DLGAP1: variants seen among roughly 807,000 people sequenced by gnomAD.
The protein encoded by DLGAP1 is DLG associated protein 1.
DLGAP1 carries 11 observed loss-of-function variants against 90.8 expected under a neutral mutation model. That is an observed-to-expected ratio of 0.12 (90% CI 0.08 to 0.20). The LOEUF (loss-of-function observed/expected upper bound fraction) is 0.20, where lower values mean the gene tolerates loss of function less well. DLGAP1 is among the 10% of genes least tolerant of loss of function. DLGAP1 has a pLI of 1.00. For synonymous variants in DLGAP1, 558 were observed against 540.7 expected, an observed-to-expected ratio of 1.03 and a Z score of -0.44; for missense variants, 1,050 against 1,333.8, an observed-to-expected ratio of 0.79 and a Z score of 3.31.
intron 2 of DLGAP1, among the ~76,000 whole-genome samples, chr18:4,141,745 G>T (rs920019083): frequency 1.3e-5 from 2 of 151,356 alleles, no homozygotes; most frequent in East Asian, 3.9e-4. Context: ...CAATTCTGCT[G>T]GTAAGAGACT....
intron 7 of DLGAP1, among the ~76,000 whole-genome samples, chr18:3,608,656 A>C (rs1299148866): frequency 6.6e-6 from 1 of 152,132 alleles, no homozygotes; most frequent in Non-Finnish European, 1.5e-5. Context: ...GCTGGCCACG[A>C]GGGAATGCTC....
At chr18:4,387,012 G>A (rs778798434) in intron 1 of DLGAP1, among the ~76,000 whole-genome samples, 66 of 152,118 alleles carry the variant, frequency 4.3e-4, no homozygotes, top group Non-Finnish European at 7.9e-4. Context: ...TAAGTCACTC[G>A]CAATGAAACA....
chr18:3,658,798 T>C (rs1023299146), intron 7 of DLGAP1, among the ~76,000 whole-genome samples: 2 of 152,216 alleles, frequency 1.3e-5, no homozygotes, highest in African/African-American at 4.8e-5. Context: ...AGTATAATCA[T>C]GGTGTCAGCA....
intron 1 of DLGAP1, among the ~76,000 whole-genome samples, chr18:4,438,117 T>C (rs547949153): frequency 6.6e-6 from 1 of 152,258 alleles, no homozygotes; most frequent in East Asian, 1.9e-4. Context: ...TTTGGAAGAT[T>C]TATGTAACAC....
At chr18:3,977,789 T>C (rs781379244) in intron 3 of DLGAP1, 1 of 375,154 alleles carries the variant, frequency 2.7e-6, no homozygotes, top group Non-Finnish European at 5.1e-6. Flanking sequence ...TGGGTGATGC[T>C]GTTAAAGTCA....
At chr18:4,168,229 G>A (rs72858756) in intron 1 of DLGAP1, among the ~76,000 whole-genome samples, 31,156 of 152,094 alleles carry the variant, frequency 0.2, 3,573 homozygotes, top group Middle Eastern at 0.29. Context: ...GGTATTGGTG[G>A]AGAAACAGAC....
intron 2 of DLGAP1, among the ~76,000 whole-genome samples, chr18:4,007,927 T>C (rs2074336801): frequency 6.6e-6 from 1 of 152,200 alleles, no homozygotes. Context: ...GTGGTTCCCC[T>C]TTTTGCAGCT....
chr18:4,184,968 G>T (rs886404818), intron 1 of DLGAP1, among the ~76,000 whole-genome samples: 1 of 151,940 alleles, frequency 6.6e-6, no homozygotes, highest in Admixed American at 6.6e-5. Context: ...ACTTTAATAC[G>T]TTAGAGATCA....
At chr18:4,382,015 A>G (rs1232445618) in intron 1 of DLGAP1, among the ~76,000 whole-genome samples, 2 of 152,134 alleles carry the variant, frequency 1.3e-5, no homozygotes, top group African/African-American at 4.8e-5. Flanking sequence ...AGACTTATTC[A>G]CCACCAAAAG....
intron 1 of DLGAP1, among the ~76,000 whole-genome samples, chr18:4,445,433 G>A (rs1430595838): frequency 2.1e-5 from 3 of 145,508 alleles, no homozygotes; most frequent in African/African-American, 2.5e-5. Flanking sequence ...ATCTCCCAAT[G>A]CTATCCCTCC....
intron 7 of DLGAP1, among the ~76,000 whole-genome samples, chr18:3,720,893 A>AAAAAAAAAT (rs2061952349): frequency 6.9e-6 from 1 of 145,060 alleles, no homozygotes; most frequent in African/African-American, 2.6e-5. Context: ...CTCTACAAAA[A>AAAAAAAAAT]AAAAAAAAAA....
chr18:4,312,609 C>T (rs1255233831), intron 1 of DLGAP1, among the ~76,000 whole-genome samples: 1 of 152,158 alleles, frequency 6.6e-6, no homozygotes, highest in Non-Finnish European at 1.5e-5. Flanking sequence ...TGAGGGGCAT[C>T]TGTACTTCAA....
Position 4,148,981 on chromosome 18 carries a change from C to A in DLGAP1, c.-159+2199G>T, listed in dbSNP as rs116096560. The stretch of plus-strand genomic sequence containing the variant: ...GTACTAAATCTGTTTTGCCAGCTGA[C>A]CATTCATCTAACATTATGCCCAGAT... On this transcript the variant is annotated intron_variant, in intron 2 of 12. Coordinates refer to ENST00000315677, the MANE Select transcript of DLGAP1 (RefSeq NM_004746.4). Among the ~76,000 whole-genome samples, 984 of 152,316 alleles carry A rather than the reference C, an allele frequency of 6.5e-3. 10 individuals are homozygous for A. Among genetic ancestry groups the A allele is most frequent in the African/African-American group, 0.022 (934 of 41,566 alleles).
At chr18:3,575,005 G>A (rs889329857) in intron 8 of DLGAP1, among the ~76,000 whole-genome samples, 2 of 151,914 alleles carry the variant, frequency 1.3e-5, no homozygotes, top group Non-Finnish European at 2.9e-5. Flanking sequence ...TAGTAGAGAC[G>A]GGGTTTCACC....
Position 3,711,411 on chromosome 18 carries a change from A to G in DLGAP1, c.1591+17724T>C, listed in dbSNP as rs116065287. On this transcript the variant is annotated intron_variant, in intron 7 of 12. Transcript: ENST00000315677. The surrounding 1 kb of genome is among the most constrained non-coding windows in gnomAD (Gnocchi z 4.0). ...TAAAATGTATATGCCCAATTAGTCTATTGGAACAAAAATAGAATGTAAAAC... is the reference window on the plus strand; with the variant it reads ...TAAAATGTATATGCCCAATTAGTCTGTTGGAACAAAAATAGAATGTAAAAC... Among the ~76,000 whole-genome samples the G allele has an allele frequency of 2.7e-3, 414 of 152,344 alleles. 4 individuals carry two copies. The highest frequency in any genetic ancestry group is 9.6e-3 in the African/African-American group (401 of 41,576).
Position 4,084,267 on chromosome 18 carries a change from GT to G in DLGAP1, c.-159+66912del, listed in dbSNP as rs1332361890. 6.6e-6 allele frequency among the ~76,000 whole-genome samples: 1 copy of G among 152,034 alleles called. No homozygotes were observed. The highest frequency in any genetic ancestry group is 2.4e-5 in the African/African-American group (1 of 41,386). ...CACGATTTGAATTTGAATCCTGTAGGTTTTTCTCTTTTAATTTAACTATACT... is the reference window on the plus strand; with the variant it reads ...CACGATTTGAATTTGAATCCTGTAGGTTTTCTCTTTTAATTTAACTATACT... On this transcript the variant is annotated intron_variant, in intron 2 of 12. Coordinates refer to ENST00000315677, the MANE Select transcript of DLGAP1 (RefSeq NM_004746.4). The surrounding 1 kb of genome is among the most constrained non-coding windows in gnomAD (Gnocchi z 4.0).
At chr18:4,331,921 T>C (rs1273357529) in intron 1 of DLGAP1, among the ~76,000 whole-genome samples, 1 of 151,920 alleles carries the variant, frequency 6.6e-6, no homozygotes, top group Non-Finnish European at 1.5e-5. Flanking sequence ...GACACTAAGC[T>C]TCATGCTGAG....
intron 2 of DLGAP1, among the ~76,000 whole-genome samples, chr18:4,123,360 C>A (rs1029096339): frequency 6.6e-6 from 1 of 151,726 alleles, no homozygotes; most frequent in Non-Finnish European, 1.5e-5. Context: ...AGAACTGGGA[C>A]AATATACACT....
chr18:4,143,565 G>A (rs369962365), intron 2 of DLGAP1, among the ~76,000 whole-genome samples: 4 of 151,826 alleles, frequency 2.6e-5, no homozygotes, highest in Admixed American at 6.6e-5. Flanking sequence ...CAAGAGACAA[G>A]GCCTGGTACT....
Sources: gnomAD v4.1 joint callset for allele counts (sites outside exome capture counted in the v4.1 genomes callset) on GRCh38, gnomAD v4.1.1 for gene constraint, Gnocchi (gnomAD v3.1) non-coding constraint, MANE v1.5 for transcripts, NCBI Gene and HGNC (gene_info 2026-07-23, HGNC 2026-07-21) for gene names.